IL1RAPL1: variants seen among roughly 807,000 people sequenced by gnomAD.
IL1RAPL1 encodes the protein interleukin 1 receptor accessory protein like 1, also known as interleukin-1 receptor accessory protein-like 1.
In IL1RAPL1, 3 loss-of-function variants were observed where a neutral mutation model predicts 48.4. The ratio of observed to expected loss-of-function variants is 0.06; its 90% CI spans 0.03 to 0.16. IL1RAPL1 has a LOEUF of 0.16. Ranked by LOEUF, IL1RAPL1 falls within the 10% of genes least tolerant of loss-of-function variation. The probability of loss-of-function intolerance (pLI) is 1.00; values close to 1 mark genes in which losing one functional copy is unlikely to be tolerated. For missense variants in IL1RAPL1, 349 were observed against 530.6 expected (o/e 0.66, Z 3.36); for synonymous variants, 185 against 187.7 (o/e 0.99, Z 0.12).
intron 2 of IL1RAPL1, among the ~76,000 whole-genome samples, chrX:29,056,634 T>G (rs1927220506): frequency 8.9e-6 from 1 of 111,873 alleles, no homozygotes; most frequent in Non-Finnish European, 1.9e-5. Flanking sequence ...TTTCTTTATC[T>G]TATTTTATTT....
At chrX:28,852,645 G>A (rs919153360) in intron 2 of IL1RAPL1, among the ~76,000 whole-genome samples, 3 of 111,556 alleles carry the variant, frequency 2.7e-5, no homozygotes, top group Admixed American at 1.9e-4. Context: ...CTCATTGTAA[G>A]TCAGTGTGTT....
At chrX:29,837,524 A>G (rs1231492539) in intron 6 of IL1RAPL1, among the ~76,000 whole-genome samples, 1 of 110,604 alleles carries the variant, frequency 9.0e-6, no homozygotes, top group Non-Finnish European at 1.9e-5. Flanking sequence ...AAATTAGGAA[A>G]GTAAGAAGAC....
chrX:29,192,527 A>T (rs1930371186), intron 2 of IL1RAPL1, among the ~76,000 whole-genome samples: 1 of 111,952 alleles, frequency 8.9e-6, no homozygotes, highest in Non-Finnish European at 1.9e-5. Flanking sequence ...GTAACTATAA[A>T]CTAGAAAACC....
chrX:28,980,344 T>G, intron 2 of IL1RAPL1, among the ~76,000 whole-genome samples: 1 of 112,840 alleles, frequency 8.9e-6, no homozygotes, highest in Non-Finnish European at 1.9e-5. Context: ...CCATTAAATC[T>G]TACTGACCAT....
intron 6 of IL1RAPL1, among the ~76,000 whole-genome samples, chrX:29,894,467 A>G (rs1038418025): frequency 6.2e-5 from 7 of 112,225 alleles, no homozygotes; most frequent in Non-Finnish European, 1.1e-4. Flanking sequence ...TATTTCATTT[A>G]TGCCCTTTAC....
At chrX:29,322,275 C>CT (rs1229098823) in intron 3 of IL1RAPL1, among the ~76,000 whole-genome samples, 34 of 98,448 alleles carry the variant, frequency 3.5e-4, no homozygotes, top group Non-Finnish European at 5.0e-4. Flanking sequence ...CTCTTTCTTT[C>CT]TTTTTTTTTT....
At chrX:29,879,389 GTGTGTGTATA>G (rs1224449646) in intron 6 of IL1RAPL1, among the ~76,000 whole-genome samples, 7 of 98,963 alleles carry the variant, frequency 7.1e-5, no homozygotes, top group African/African-American at 2.9e-4. Context: ...GTGTGTGTGT[GTGTGTGTATA>G]TATATATATA....
chrX:28,709,155 G>A (rs1370211055), intron 1 of IL1RAPL1, among the ~76,000 whole-genome samples: 2 of 112,136 alleles, frequency 1.8e-5, no homozygotes, highest in African/African-American at 6.5e-5. Flanking sequence ...CTCGATCCTC[G>A]AGGAATTTGC....
Position 29,885,132 on chromosome X carries a change from A to G in IL1RAPL1, c.779-32332A>G, listed in dbSNP as rs143022280. Reference sequence around the variant, plus strand: ...GCTGTTCTTCTGACATGCCAAGCACACTTCCTTCTTAGACCTTTGTACTCA... The same window carrying G: ...GCTGTTCTTCTGACATGCCAAGCACGCTTCCTTCTTAGACCTTTGTACTCA... On this transcript the variant is annotated intron_variant, in intron 6 of 10. Transcript: ENST00000378993. Among the ~76,000 whole-genome samples the G allele has an allele frequency of 9.1e-3, 1,019 of 111,547 alleles. 5 individuals carry two copies. The highest frequency in any genetic ancestry group is 0.015 in the Non-Finnish European group (794 of 53,109).
chrX:29,405,936 CTGTTTT>C (rs1214023260), intron 5 of IL1RAPL1, among the ~76,000 whole-genome samples: 11 of 109,786 alleles, frequency 1.0e-4, no homozygotes, highest in Non-Finnish European at 1.9e-4. Context: ...ATGTTCTTTT[CTGTTTT>C]TATCATTCAT....
chrX:28,661,343 C>G (rs987176462), intron 1 of IL1RAPL1, among the ~76,000 whole-genome samples: 2 of 111,521 alleles, frequency 1.8e-5, no homozygotes, highest in Admixed American at 1.9e-4. Context: ...AAACGTCTAG[C>G]TAATCATATA....
At chrX:28,903,949 ATTATATAT>A (rs1923150661) in intron 2 of IL1RAPL1, among the ~76,000 whole-genome samples, 1 of 109,979 alleles carries the variant, frequency 9.1e-6, no homozygotes, top group Admixed American at 9.8e-5. Context: ...AACCATATAT[ATTATATAT>A]TTATATATGT....
intron 8 of IL1RAPL1, among the ~76,000 whole-genome samples, chrX:29,938,351 T>C (rs1933067502): frequency 9.0e-6 from 1 of 111,569 alleles, no homozygotes; most frequent in South Asian, 3.8e-4. Context: ...TTTTATTATT[T>C]CCAAAGCTCC....
intron 3 of IL1RAPL1, among the ~76,000 whole-genome samples, chrX:29,342,791 T>C (rs1443875550): frequency 8.9e-6 from 1 of 112,517 alleles, no homozygotes; most frequent in Non-Finnish European, 1.9e-5. Context: ...TACTAAAAAT[T>C]ACGATGTTGA....
At chrX:29,358,970 G>A (rs1358991009) in intron 3 of IL1RAPL1, among the ~76,000 whole-genome samples, 3 of 108,933 alleles carry the variant, frequency 2.8e-5, no homozygotes, top group African/African-American at 6.7e-5. Context: ...GCAGTGAGCC[G>A]AGATCACGCA....
chrX:29,698,687 C>T (rs1054386792), intron 6 of IL1RAPL1, among the ~76,000 whole-genome samples: 1 of 111,338 alleles, frequency 9.0e-6, no homozygotes, highest in African/African-American at 3.3e-5. Flanking sequence ...CAATTGCATG[C>T]CAAAATTTAA....
intron 6 of IL1RAPL1, among the ~76,000 whole-genome samples, chrX:29,678,527 T>C (rs1401379334): frequency 1.4e-5 from 1 of 69,487 alleles, no homozygotes; most frequent in Non-Finnish European, 2.3e-5. Flanking sequence ...GCTAATTTTG[T>C]GTGTGTGTGT....
In IL1RAPL1 at chrX:29,384,920, A is replaced by G. The variant is rs780341541; in HGVS notation, c.363-11338A>G. Among the ~76,000 whole-genome samples, 4 of 112,289 alleles carry G rather than the reference A, an allele frequency of 3.6e-5. No homozygotes were observed. In the South Asian group the frequency reaches 1.5e-3, roughly 42 times the overall value. On this transcript the variant is annotated intron_variant, in intron 3 of 10. Transcript: ENST00000378993. Reference sequence around the variant, plus strand: ...GTTAAATGAGATTACATAGAGGGCAATGAAATGAGATAATGCATTAAGTCT... The same window carrying G: ...GTTAAATGAGATTACATAGAGGGCAGTGAAATGAGATAATGCATTAAGTCT...
intron 5 of IL1RAPL1, among the ~76,000 whole-genome samples, chrX:29,513,351 T>C (rs1008488449): frequency 9.0e-6 from 1 of 111,645 alleles, no homozygotes; most frequent in African/African-American, 3.2e-5. Context: ...TTCTGAACAC[T>C]TTTATGCCAT....
Sources: allele counts gnomAD v4.1 joint callset (sites outside exome capture counted in the v4.1 genomes callset), GRCh38; gene constraint gnomAD v4.1.1; transcripts MANE v1.5; gene names NCBI Gene and HGNC (gene_info 2026-07-23, HGNC 2026-07-21).